Variants in USP37 observed in about 807,000 individuals in gnomAD.
USP37 encodes the protein ubiquitin specific peptidase 37.
USP37 carries 27 observed loss-of-function variants against 124.0 expected under a neutral mutation model. The observed-to-expected ratio is 0.22, with a 90% CI of 0.16 to 0.30. The LOEUF (loss-of-function observed/expected upper bound fraction) is 0.30. Ranked by LOEUF, USP37 falls within the 10% of genes least tolerant of loss-of-function variation. USP37 has a pLI of 1.00. For synonymous variants in USP37, 365 were observed against 388.0 expected (o/e 0.94, Z 0.70); for missense variants, 889 against 1,140.4 (o/e 0.78, Z 3.17).
intron 14 of USP37, 24 bp from the exon 15 acceptor site, chr2:218,488,445 T>C: frequency 6.7e-7 from 1 of 1,503,556 alleles, no homozygotes; most frequent in South Asian, 1.2e-5. Context: ...ATGAGACATG[T>C]AAGCATTTAG....
rs548282467 is a variant in USP37, at chr2:218,497,954, T to G, written c.1157+72A>C. The G allele has an allele frequency of 1.2e-5, 19 of 1,568,470 alleles. No individual in the cohort carries two copies. The African/African-American group carries it at 2.2e-4, about 18-fold the overall frequency. On this transcript the variant is annotated intron_variant, in intron 12 of 25. Transcript: ENST00000258399. ...AATAATGGCACAGAAAATTTTTGAGTGTCTAAAATTCCATTATTCTATAAT... is the reference window on the plus strand; with the variant it reads ...AATAATGGCACAGAAAATTTTTGAGGGTCTAAAATTCCATTATTCTATAAT...
intron 6 of USP37, among the ~76,000 whole-genome samples, chr2:218,549,293 C>T (rs1254433621): frequency 1.1e-4 from 16 of 152,032 alleles, no homozygotes; most frequent in Admixed American, 1.0e-3. Context: ...TTATTCATTG[C>T]TTAGTCCAAT....
intron 13 of USP37, 83 bp from the exon 14 acceptor site, chr2:218,496,033 C>A (rs1277533781): frequency 7.3e-7 from 1 of 1,376,980 alleles, no homozygotes; most frequent in Non-Finnish European, 9.9e-7. Flanking sequence ...GTGCCTCATA[C>A]CTGTAATTCC....
At chr2:218,476,273 C>T (rs1164398484) in intron 19 of USP37, among the ~76,000 whole-genome samples, 1 of 152,138 alleles carries the variant, frequency 6.6e-6, no homozygotes, top group Non-Finnish European at 1.5e-5. Flanking sequence ...ACAGTTCCCT[C>T]ACATAAACAA....
chr2:218,546,091 T>C (rs759315692), intron 8 of USP37, 130 bp downstream of exon 8: 2 of 758,834 alleles, frequency 2.6e-6, no homozygotes, highest in Non-Finnish European at 4.2e-6. Flanking sequence ...ACCAAACTAC[T>C]TTACATTCTG....
In USP37 at chr2:218,479,869, A is replaced by T. The variant is rs111919743; in HGVS notation, c.1836-154T>A. Among the ~76,000 whole-genome samples, 1,483 of 152,270 alleles carry T rather than the reference A, an allele frequency of 9.7e-3. 17 individuals are homozygous for T. Among genetic ancestry groups the T allele is most frequent in the Non-Finnish European group, 0.016 (1,074 of 68,020 alleles). On this transcript the variant is annotated intron_variant, in intron 17 of 25. Transcript: ENST00000258399. ...CTTTTTAAATTACTAGCAATAGGCC[A>T]GGTGCAGTGGTTCACGCCTGTAATC...
intron 4 of USP37, among the ~76,000 whole-genome samples, chr2:218,556,188 C>CT (rs1258321890): frequency 2.6e-5 from 4 of 152,200 alleles, no homozygotes; most frequent in Non-Finnish European, 5.9e-5. Context: ...TTCTGTTACT[C>CT]ACTCCTCAGT....
intron 10 of USP37, chr2:218,514,207 T>C (rs1690153571): frequency 6.6e-6 from 1 of 152,188 alleles, no homozygotes. Flanking sequence ...CATAGTACAA[T>C]GACCAAAACC....
In USP37 at chr2:218,474,816, C is replaced by T. The variant is rs529125220; in HGVS notation, c.2113G>A (p.Glu705Lys). 8.1e-6 allele frequency: 13 copies of T among 1,614,148 alleles called. No individual in the cohort carries two copies. The highest frequency in any genetic ancestry group is 2.2e-5 in the South Asian group (2 of 91,088). Residue 705 changes from glutamate (E) to lysine (K), a missense_variant, in exon 20 of 26, where the codon GAA becomes AAA. Physicochemically the swap from Glu to Lys is moderately conservative, Grantham distance 56. Transcript: ENST00000258399. Reference sequence around the variant, plus strand: ...AAGACAGCTGCTAGAAGCTCTTCTTCGCTCATTCTGTCAAATCCTGAGTTT... The same window carrying T: ...AAGACAGCTGCTAGAAGCTCTTCTTTGCTCATTCTGTCAAATCCTGAGTTT... Reference protein sequence around the residue: ...LENSGFDRMSEEELLAAVLEI... With the variant: ...LENSGFDRMSKEELLAAVLEI...
At chr2:218,511,254 C>T (rs1437358889) in intron 10 of USP37, among the ~76,000 whole-genome samples, 1 of 152,052 alleles carries the variant, frequency 6.6e-6, no homozygotes, top group Non-Finnish European at 1.5e-5. Flanking sequence ...AGTCTTGTGT[C>T]TCAGCCTCCC....
chr2:218,504,836 C>T (rs1689593895), intron 11 of USP37, among the ~76,000 whole-genome samples: 1 of 152,178 alleles, frequency 6.6e-6, no homozygotes, highest in South Asian at 2.1e-4. Context: ...ATCCCTCCAA[C>T]TTGGCCTCCT....
chr2:218,468,941 C>T (rs1690522001), intron 20 of USP37, among the ~76,000 whole-genome samples: 1 of 152,170 alleles, frequency 6.6e-6, no homozygotes, highest in Non-Finnish European at 1.5e-5. Context: ...GATCCACCTG[C>T]CTTGGCCTCC....
At chr2:218,555,691 G>A (rs1032714465) in intron 4 of USP37, among the ~76,000 whole-genome samples, 3 of 152,042 alleles carry the variant, frequency 2.0e-5, no homozygotes, top group East Asian at 1.9e-4. Flanking sequence ...ATATGGTAAC[G>A]ACACACAACT....
chr2:218,457,102 A>G lies in USP37; in HGVS notation c.2703T>C (p.Thr901=). The part of the protein sequence containing the change: ...LISVVSHIGS[T]SSSGHYISDV... Reference sequence around the variant, plus strand: ...ATGATGGCTATTCACCTGAAGAAGAAGTGCTACCAATGTGACTGACAACAC... The same window carrying G: ...ATGATGGCTATTCACCTGAAGAAGAGGTGCTACCAATGTGACTGACAACAC... The change falls in exon 24 of 26, where the codon ACT becomes ACC. Residue 901 remains threonine (T), a synonymous_variant. Coordinates refer to ENST00000258399, the MANE Select transcript of USP37 (RefSeq NM_020935.3). 1 of 1,613,960 alleles carries G rather than the reference A, an allele frequency of 6.2e-7. No individual in the cohort carries two copies. The highest frequency in any genetic ancestry group is 8.5e-7 in the Non-Finnish European group (1 of 1,179,954).
chr2:218,539,259 T>C (rs1338758197), intron 8 of USP37, among the ~76,000 whole-genome samples: 1 of 152,058 alleles, frequency 6.6e-6, no homozygotes, highest in Non-Finnish European at 1.5e-5. Context: ...GTGCCCGACC[T>C]GCCCTTTCCA....
At chr2:218,563,288 T>A (rs1693412304) in intron 1 of USP37, among the ~76,000 whole-genome samples, 1 of 151,946 alleles carries the variant, frequency 6.6e-6, no homozygotes, top group Admixed American at 6.6e-5. Flanking sequence ...GAGACACACA[T>A]AAAAGATCAA....
chr2:218,539,587 T>C (rs1463659653), intron 8 of USP37, among the ~76,000 whole-genome samples: 2 of 151,926 alleles, frequency 1.3e-5, no homozygotes, highest in East Asian at 2.0e-4. Flanking sequence ...CGGTGGTGAA[T>C]GCCTGTAGTC....
chr2:218,466,547 C>G (rs1690333389), intron 20 of USP37, among the ~76,000 whole-genome samples: 1 of 151,970 alleles, frequency 6.6e-6, no homozygotes, highest in African/African-American at 2.4e-5. Context: ...TGTTTGAGAA[C>G]AAATGATCTA....
chr2:218,477,931 T>C (rs1691062649), intron 18 of USP37, among the ~76,000 whole-genome samples: 2 of 152,228 alleles, frequency 1.3e-5, no homozygotes, highest in Non-Finnish European at 2.9e-5. Context: ...TGTTACTGTG[T>C]TGTCTTCTAG....
Sources: allele counts gnomAD v4.1 joint callset (sites outside exome capture counted in the v4.1 genomes callset), GRCh38; gene constraint gnomAD v4.1.1; transcripts MANE v1.5; gene names NCBI Gene and HGNC (gene_info 2026-07-23, HGNC 2026-07-21).